Variants in KCNT2 observed in about 807,000 individuals in gnomAD.
KCNT2 encodes the protein potassium sodium-activated channel subfamily T member 2.
In KCNT2, 67 loss-of-function variants were observed where a neutral mutation model predicts 153.8. The ratio of observed to expected loss-of-function variants is 0.44; its 90% confidence interval spans 0.36 to 0.53. KCNT2 has a LOEUF of 0.53. Ranked by LOEUF, KCNT2 falls within the 20% of genes least tolerant of loss-of-function variation. KCNT2 has a pLI of 0.00. For synonymous variants in KCNT2, 500 were observed against 458.8 expected (o/e 1.09, Z -1.15); for missense variants, 975 against 1,354.8 (o/e 0.72, Z 4.40).
intron 8 of KCNT2, among the ~76,000 whole-genome samples, chr1:196,457,752 C>T (rs190752004): frequency 3.9e-5 from 6 of 151,990 alleles, no homozygotes; most frequent in Admixed American, 6.6e-5. Context: ...GGCTTCTTAC[C>T]TATCTTCCAT....
chr1:196,579,597 G>A (rs1298482787), intron 1 of KCNT2, among the ~76,000 whole-genome samples: 1 of 151,940 alleles, frequency 6.6e-6, no homozygotes, highest in African/African-American at 2.4e-5. Context: ...GGGTTCAAGT[G>A]ATTCTCCTGC....
At chr1:196,342,420 C>CTATATATATATATATATATATATATA (rs71154738) in intron 14 of KCNT2, among the ~76,000 whole-genome samples, 192 bp from the exon 15 acceptor site, 1 of 132,754 alleles carries the variant, frequency 7.5e-6, no homozygotes, top group Admixed American at 7.5e-5. Flanking sequence ...ATTTTGAATA[C>CTATATATATATATATATATATATATA]TATATATATA....
intron 1 of KCNT2, among the ~76,000 whole-genome samples, chr1:196,606,051 T>C (rs1665277844): frequency 1.3e-5 from 2 of 152,352 alleles, no homozygotes; most frequent in Non-Finnish European, 2.9e-5. Flanking sequence ...AATTGCCTGC[T>C]ATTCAGAGTT....
At chr1:196,251,343 GT>G (rs1328960298) in intron 26 of KCNT2, among the ~76,000 whole-genome samples, 1 of 151,962 alleles carries the variant, frequency 6.6e-6, no homozygotes, top group Non-Finnish European at 1.5e-5. Flanking sequence ...CATTCATAAA[GT>G]GTTTTTTTCC....
intron 1 of KCNT2, among the ~76,000 whole-genome samples, chr1:196,536,080 A>G (rs150753982): frequency 1.3e-4 from 20 of 152,368 alleles, no homozygotes; most frequent in African/African-American, 4.3e-4. Flanking sequence ...TAAAGGGAGC[A>G]AAAACTCCAG....
chr1:196,404,502 T>A (rs902398896), intron 12 of KCNT2, among the ~76,000 whole-genome samples: 5 of 151,678 alleles, frequency 3.3e-5, no homozygotes, highest in Non-Finnish European at 5.9e-5. Flanking sequence ...TCTCTAGCGA[T>A]AATGCACATT....
intron 12 of KCNT2, among the ~76,000 whole-genome samples, chr1:196,419,613 A>C (rs920437422): frequency 2.6e-5 from 4 of 151,680 alleles, no homozygotes; most frequent in Non-Finnish European, 5.9e-5. Context: ...TTCCAAGGAC[A>C]TTTGGGTTGG....
At chr1:196,377,423 A>G (rs10494742) in intron 13 of KCNT2, among the ~76,000 whole-genome samples, 16,054 of 151,956 alleles carry the variant, frequency 0.11, 1,225 homozygotes, top group African/African-American at 0.22. Flanking sequence ...CAGTCACAAA[A>G]TTTAGATAAT....
At chr1:196,424,793 G>A (rs990456853) in intron 11 of KCNT2, among the ~76,000 whole-genome samples, 1 of 151,470 alleles carries the variant, frequency 6.6e-6, no homozygotes, top group African/African-American at 2.4e-5. Flanking sequence ...GAAGGATTAT[G>A]CAGCACAAAG....
chr1:196,486,221 G>T (rs190600626), intron 3 of KCNT2, among the ~76,000 whole-genome samples: 3 of 151,956 alleles, frequency 2.0e-5, no homozygotes, highest in African/African-American at 7.2e-5. Context: ...TGTGATCTCA[G>T]ATAATTTTTA....
intron 8 of KCNT2, among the ~76,000 whole-genome samples, chr1:196,465,039 G>C (rs1227526692): frequency 6.6e-6 from 1 of 151,938 alleles, no homozygotes; most frequent in Non-Finnish European, 1.5e-5. Flanking sequence ...TCATAGTTTG[G>C]CTGTTTACAG....
At chr1:196,544,623 A>G (rs896267674) in intron 1 of KCNT2, among the ~76,000 whole-genome samples, 7 of 152,166 alleles carry the variant, frequency 4.6e-5, no homozygotes, top group Non-Finnish European at 1.0e-4. Flanking sequence ...AGACTTGGAA[A>G]CTGGAAACAA....
chr1:196,531,479 T>G (rs1654931835), intron 1 of KCNT2, among the ~76,000 whole-genome samples: 1 of 152,090 alleles, frequency 6.6e-6, no homozygotes, highest in Non-Finnish European at 1.5e-5. Flanking sequence ...AGGTAACGGC[T>G]CCTACTTTCT....
At chr1:196,489,980 T>C (rs749276464) in intron 2 of KCNT2, 43 bp from the exon 3 acceptor site, 7 of 883,532 alleles carry the variant, frequency 7.9e-6, no homozygotes, top group African/African-American at 3.5e-5. Context: ...CTGAACTTAG[T>C]TCACAAAAGA....
intron 1 of KCNT2, among the ~76,000 whole-genome samples, chr1:196,521,920 G>A (rs1653480479): frequency 6.6e-6 from 1 of 152,036 alleles, no homozygotes; most frequent in South Asian, 2.1e-4. Flanking sequence ...ATATAACAAA[G>A]TGAACATGTA....
intron 25 of KCNT2, among the ~76,000 whole-genome samples, chr1:196,261,450 C>A (rs528120645): frequency 6.6e-6 from 1 of 151,924 alleles, no homozygotes; most frequent in East Asian, 1.9e-4. Context: ...AGATGTCTGT[C>A]TTAGAAAACA....
chr1:196,453,836 T>A (rs1676426870), intron 8 of KCNT2, among the ~76,000 whole-genome samples: 1 of 151,926 alleles, frequency 6.6e-6, no homozygotes, highest in Non-Finnish European at 1.5e-5. Context: ...CACCCCCAAA[T>A]GTAATATAAG....
chr1:196,382,605 G>A (rs1422787678), intron 13 of KCNT2, among the ~76,000 whole-genome samples: 3 of 151,904 alleles, frequency 2.0e-5, no homozygotes, highest in Non-Finnish European at 4.4e-5. Context: ...GAGGTAATTG[G>A]GCACTCAGCA....
intron 27 of KCNT2, among the ~76,000 whole-genome samples, chr1:196,230,705 G>T (rs977124441): frequency 6.6e-6 from 1 of 151,966 alleles, no homozygotes; most frequent in African/African-American, 2.4e-5. Flanking sequence ...GGAGCCCAAA[G>T]ATGTGACTCA....
Sources: allele counts gnomAD v4.1 joint callset (sites outside exome capture counted in the v4.1 genomes callset), GRCh38; gene constraint gnomAD v4.1.1; transcripts MANE v1.5; gene names NCBI Gene and HGNC (gene_info 2026-07-23, HGNC 2026-07-21).